ERLIN1: variants seen among roughly 807,000 people sequenced by gnomAD.
ERLIN1 encodes erlin-1.
ERLIN1 carries 24 observed loss-of-function variants against 46.9 expected under a neutral mutation model. That is an observed-to-expected ratio of 0.51 (90% CI 0.37 to 0.72). ERLIN1 has a LOEUF of 0.72. Among genes scored for constraint, ERLIN1 ranks in the 30% least tolerant of loss-of-function variants. The pLI is 0.00. For missense variants in ERLIN1, 293 were observed against 417.9 expected (o/e 0.70, Z 2.61); for synonymous variants, 158 against 143.2 (o/e 1.10, Z -0.74).
intron 8 of ERLIN1, among the ~76,000 whole-genome samples, chr10:100,161,671 G>A (rs548631756): frequency 1.2e-4 from 19 of 152,140 alleles, no homozygotes; most frequent in Non-Finnish European, 1.6e-4. Context: ...TCTCCACATC[G>A]CAAGACTTAA....
chr10:100,158,743 A>G lies in ERLIN1; in HGVS notation c.656-2509T>C, dbSNP rs75245640. Among the ~76,000 whole-genome samples the G allele has an allele frequency of 4.9e-3, 753 of 152,332 alleles. 19 individuals are homozygous for G. The East Asian group carries it at 0.059, about 12-fold the overall frequency. On this transcript the variant is annotated intron_variant, in intron 8 of 10. Transcript: ENST00000421367. Reference sequence around the variant, plus strand: ...ACAGTGATAAGAGTTAAAGCATTCTAAGGTACTGTTCAAGAAGAGGATAGA... The same window carrying G: ...ACAGTGATAAGAGTTAAAGCATTCTGAGGTACTGTTCAAGAAGAGGATAGA...
intron 2 of ERLIN1, among the ~76,000 whole-genome samples, chr10:100,182,849 G>C (rs1302902904): frequency 6.6e-6 from 1 of 152,122 alleles, no homozygotes; most frequent in Non-Finnish European, 1.5e-5. Context: ...CATGAACTAA[G>C]GAAAGAATGG....
intron 3 of ERLIN1, among the ~76,000 whole-genome samples, chr10:100,178,595 C>T (rs1244800368): frequency 6.6e-6 from 1 of 152,168 alleles, no homozygotes; most frequent in Non-Finnish European, 1.5e-5. Flanking sequence ...AATTCTCGGG[C>T]CTCACCCCAG....
At chr10:100,176,965 T>C (rs908910837) in intron 4 of ERLIN1, among the ~76,000 whole-genome samples, 1 of 151,958 alleles carries the variant, frequency 6.6e-6, no homozygotes, top group African/African-American at 2.4e-5. Flanking sequence ...CTACTAAAAA[T>C]ACAAAAATTA....
chr10:100,159,800 T>C (rs1172074257), intron 8 of ERLIN1, among the ~76,000 whole-genome samples: 2 of 151,030 alleles, frequency 1.3e-5, no homozygotes, highest in African/African-American at 2.4e-5. Flanking sequence ...TAATCTTCCA[T>C]GTTTCCACTA....
At chr10:100,157,590 A>G (rs1843143413) in intron 8 of ERLIN1, among the ~76,000 whole-genome samples, 2 of 152,222 alleles carry the variant, frequency 1.3e-5, no homozygotes, top group Admixed American at 1.3e-4. Context: ...TTTCCATAAA[A>G]CAGTATGCTT....
intron 4 of ERLIN1, among the ~76,000 whole-genome samples, chr10:100,177,435 A>G (rs1353195643): frequency 6.6e-6 from 1 of 152,224 alleles, no homozygotes; most frequent in Non-Finnish European, 1.5e-5. Context: ...TGTGAAATTT[A>G]TTATGACCTT....
chr10:100,181,378 T>C (rs2134178680), intron 2 of ERLIN1, among the ~76,000 whole-genome samples: 2 of 152,350 alleles, frequency 1.3e-5, no homozygotes, highest in Admixed American at 1.3e-4. Flanking sequence ...TTACATCATA[T>C]ATGGAATTTC....
At chr10:100,158,739 T>C (rs1843202707) in intron 8 of ERLIN1, among the ~76,000 whole-genome samples, 1 of 152,194 alleles carries the variant, frequency 6.6e-6, no homozygotes, top group Admixed American at 6.5e-5. Context: ...AGTTAAAGCA[T>C]TCTAAGGTAC....
At chr10:100,159,866 TAA>T (rs892044011) in intron 8 of ERLIN1, among the ~76,000 whole-genome samples, 18 of 105,946 alleles carry the variant, frequency 1.7e-4, no homozygotes, top group African/African-American at 2.8e-4. Flanking sequence ...ACAAATGAAC[TAA>T]AAAAAAAAAA....
intron 5 of ERLIN1, among the ~76,000 whole-genome samples, chr10:100,174,611 T>C (rs567433219): frequency 6.6e-6 from 1 of 152,334 alleles, no homozygotes; most frequent in South Asian, 2.1e-4. Flanking sequence ...GGGTAAAATA[T>C]GTTGATCTAA....
rs188602450 is a variant in ERLIN1, at chr10:100,162,992, T to C, written c.655+1012A>G. Among the ~76,000 whole-genome samples the C allele has an allele frequency of 1.6e-3, 242 of 152,244 alleles. 1 individual carries two copies. Among genetic ancestry groups the C allele is most frequent in the South Asian group, 0.014 (66 of 4,830 alleles). On this transcript the variant is annotated intron_variant, in intron 8 of 10. Transcript: ENST00000421367. Reference sequence around the variant, plus strand: ...AAACTAGAAACTACCTAACTCCTCATTGGTAATTCATTACAATAAAACTAG... The same window carrying C: ...AAACTAGAAACTACCTAACTCCTCACTGGTAATTCATTACAATAAAACTAG...
intron 2 of ERLIN1, among the ~76,000 whole-genome samples, chr10:100,179,727 G>A (rs2134174046): frequency 6.6e-6 from 1 of 152,306 alleles, no homozygotes; most frequent in Non-Finnish European, 1.5e-5. Context: ...AAAGTGCTGG[G>A]ATTACAGGCG....
intron 7 of ERLIN1, among the ~76,000 whole-genome samples, chr10:100,164,553 T>A (rs534829584): frequency 3.9e-5 from 6 of 152,210 alleles, no homozygotes; most frequent in Admixed American, 3.9e-4. Context: ...TGGGCACCCA[T>A]GTGCAGTGAC....
chr10:100,158,524 AGT>A (rs1843190712), intron 8 of ERLIN1, among the ~76,000 whole-genome samples: 2 of 151,602 alleles, frequency 1.3e-5, no homozygotes, highest in Non-Finnish European at 2.9e-5. Flanking sequence ...TTCACTCCTT[AGT>A]CTTCACTGAA....
At chr10:100,155,456 T>C in intron 9 of ERLIN1, among the ~76,000 whole-genome samples, 1 of 150,628 alleles carries the variant, frequency 6.6e-6, no homozygotes, top group African/African-American at 2.5e-5. Context: ...CAATTAATTT[T>C]GTTTTTTTTT....
chr10:100,176,152 G>C, intron 4 of ERLIN1, 82 bp from the exon 5 acceptor site: 3 of 1,271,036 alleles, frequency 2.4e-6, no homozygotes, highest in Non-Finnish European at 3.2e-6. Flanking sequence ...AAAAGTCAGG[G>C]TGATATATTA....
intron 5 of ERLIN1, 74 bp from the exon 6 acceptor site, chr10:100,174,355 A>G (rs1844173577): frequency 4.7e-6 from 5 of 1,062,810 alleles, no homozygotes; most frequent in Non-Finnish European, 7.1e-6. Context: ...ATGAAACAAA[A>G]CTAATCATTA....
At chr10:100,165,916 G>C (rs1039248068) in intron 7 of ERLIN1, among the ~76,000 whole-genome samples, 1 of 152,084 alleles carries the variant, frequency 6.6e-6, no homozygotes, top group African/African-American at 2.4e-5. Context: ...ACTGGAGACA[G>C]GGTTTCACCA....
Sources: allele counts gnomAD v4.1 joint callset (sites outside exome capture counted in the v4.1 genomes callset), GRCh38; gene constraint gnomAD v4.1.1; transcripts MANE v1.5; gene names NCBI Gene and HGNC (gene_info 2026-07-23, HGNC 2026-07-21).